Variants in GUCY1A1 observed in about 807,000 individuals in gnomAD.
GUCY1A1 encodes guanylate cyclase 1 soluble subunit alpha 1.
A neutral mutation model predicts 64.5 loss-of-function variants in GUCY1A1; 48 were observed. The ratio of observed to expected loss-of-function variants is 0.74; its 90% confidence interval spans 0.59 to 0.95. The LOEUF (loss-of-function observed/expected upper bound fraction) is 0.95. Among genes scored for constraint, GUCY1A1 ranks in the 40% least tolerant of loss-of-function variants. GUCY1A1 has a pLI of 0.00. For synonymous variants in GUCY1A1, 308 were observed against 303.4 expected (o/e 1.02, Z -0.16); for missense variants, 804 against 825.3 (o/e 0.97, Z 0.32).
At chr4:155,689,103 T>C (rs917559740) in intron 2 of GUCY1A1, among the ~76,000 whole-genome samples, 2 of 150,896 alleles carry the variant, frequency 1.3e-5, no homozygotes, top group Non-Finnish European at 2.9e-5. Flanking sequence ...TCCCTAGCGA[T>C]AGATGTGCCT....
In GUCY1A1 at chr4:155,731,838, G is replaced by C. The variant is rs1735581657; in HGVS notation, c.*1607G>C. ...TACTGATTGGCCTCTAGTATTCCAA[G>C]GGTACTACTATAGATATTACAATGA... On this transcript the variant is annotated 3_prime_UTR_variant, in exon 10 of 10. Transcript: ENST00000506455. The C allele has an allele frequency of 2.0e-5, 3 of 151,266 alleles. No individual in the cohort carries two copies. Among genetic ancestry groups the C allele is most frequent in the South Asian group, 4.2e-4 (2 of 4,816 alleles). 9.4% of individuals were successfully genotyped at this position (151,266 alleles called of 1,614,324 possible).
intron 2 of GUCY1A1, among the ~76,000 whole-genome samples, chr4:155,676,756 T>C (rs745654154): frequency 6.6e-6 from 1 of 151,670 alleles, no homozygotes; most frequent in Admixed American, 6.5e-5. Context: ...TAGTGTGTTA[T>C]GGTCATGTTG....
intron 3 of GUCY1A1, among the ~76,000 whole-genome samples, chr4:155,701,065 G>A (rs1731018655): frequency 6.6e-6 from 1 of 152,094 alleles, no homozygotes; most frequent in Non-Finnish European, 1.5e-5. Context: ...TTATCTCAGG[G>A]TCAGGATATA....
intron 8 of GUCY1A1, among the ~76,000 whole-genome samples, chr4:155,719,484 G>A (rs922696209): frequency 6.6e-6 from 1 of 152,118 alleles, no homozygotes; most frequent in East Asian, 1.9e-4. Flanking sequence ...TCAGTATTTG[G>A]AGTCATGTCC....
At chr4:155,671,855 G>C (rs1734186007) in intron 2 of GUCY1A1, among the ~76,000 whole-genome samples, 1 of 152,038 alleles carries the variant, frequency 6.6e-6, no homozygotes, top group South Asian at 2.1e-4. Flanking sequence ...CATGGGTTGA[G>C]AGTCTCATTG....
chr4:155,722,246 C>A, intron 9 of GUCY1A1, 54 bp downstream of exon 9: 1 of 1,566,986 alleles, frequency 6.4e-7, no homozygotes, highest in Non-Finnish European at 8.7e-7. Context: ...TATACAATTG[C>A]CATTTGCCCC....
intron 2 of GUCY1A1, among the ~76,000 whole-genome samples, chr4:155,681,580 C>T (rs1735780113): frequency 6.6e-6 from 1 of 152,166 alleles, no homozygotes; most frequent in South Asian, 2.1e-4. Context: ...CTCAGTCCTC[C>T]TTACCCTCTT....
At chr4:155,688,117 G>A (rs1049103270) in intron 2 of GUCY1A1, among the ~76,000 whole-genome samples, 1 of 151,726 alleles carries the variant, frequency 6.6e-6, no homozygotes, top group Admixed American at 6.6e-5. Context: ...AGTCCCAGCT[G>A]CTCGGGAGGC....
intron 2 of GUCY1A1, among the ~76,000 whole-genome samples, chr4:155,684,489 T>C (rs1728712317): frequency 6.6e-6 from 1 of 152,180 alleles, no homozygotes; most frequent in African/African-American, 2.4e-5. Flanking sequence ...CAGAAAGAGC[T>C]TTACTGCTGG....
At chr4:155,718,534 A>G (rs572583079) in intron 8 of GUCY1A1, among the ~76,000 whole-genome samples, 1 of 152,254 alleles carries the variant, frequency 6.6e-6, no homozygotes, top group South Asian at 2.1e-4. Flanking sequence ...AGCTGGGAAT[A>G]CCGAAATGGG....
At position 155,735,050 on chromosome 4, in the gene GUCY1A1, T is replaced by C. The variant is rs1238342501; in HGVS notation, c.*4819T>C. ...GCTCCTCTTTAAATGTTTCTTTTAT[T>C]ATATTGATGATGTGCACTCATTCAG... On this transcript the variant is annotated 3_prime_UTR_variant, in exon 10 of 10. Coordinates refer to ENST00000506455, the MANE Select transcript of GUCY1A1 (RefSeq NM_001130682.3). 6.6e-6 allele frequency: 1 copy of C among 151,968 alleles called. No individual in the cohort carries two copies. Among genetic ancestry groups the C allele is most frequent in the Non-Finnish European group, 1.5e-5 (1 of 67,932 alleles). 9.4% of individuals were successfully genotyped at this position (151,968 alleles called of 1,614,324 possible).
chr4:155,704,106 C>G (rs1017524789), intron 4 of GUCY1A1, 113 bp downstream of exon 4: 10 of 640,542 alleles, frequency 1.6e-5, no homozygotes, highest in Non-Finnish European at 2.8e-6. Context: ...TGTGGTATGT[C>G]AGAAACTGGA....
rs183071112 is a variant in GUCY1A1, at chr4:155,727,599, C to T, written c.1872-2431C>T. 2.7e-3 allele frequency among the ~76,000 whole-genome samples: 403 copies of T among 151,482 alleles called. 3 individuals are homozygous for T. The highest frequency in any genetic ancestry group is 9.1e-3 in the African/African-American group (376 of 41,388). Reference sequence around the variant, plus strand: ...AATAATAGATAAATTTTTTTAATCACCTATAGTTTTATACATTTTTATTTA... The same window carrying T: ...AATAATAGATAAATTTTTTTAATCATCTATAGTTTTATACATTTTTATTTA... On this transcript the variant is annotated intron_variant, in intron 9 of 9. Coordinates refer to ENST00000506455, the MANE Select transcript of GUCY1A1 (RefSeq NM_001130682.3).
At chr4:155,729,403 T>C (rs1735230635) in intron 9 of GUCY1A1, among the ~76,000 whole-genome samples, 1 of 151,812 alleles carries the variant, frequency 6.6e-6, no homozygotes, top group African/African-American at 2.4e-5. Context: ...AACAATATAA[T>C]GTGGTAAACA....
chr4:155,690,265 T>A (rs1729556608), intron 2 of GUCY1A1, among the ~76,000 whole-genome samples: 1 of 152,150 alleles, frequency 6.6e-6, no homozygotes, highest in South Asian at 2.1e-4. Flanking sequence ...GTCTTCCCTC[T>A]GCTTTGGTCC....
At chr4:155,716,412 T>C (rs904783457) in intron 7 of GUCY1A1, among the ~76,000 whole-genome samples, 1 of 152,192 alleles carries the variant, frequency 6.6e-6, no homozygotes. Flanking sequence ...TAAAATTAAC[T>C]ATCTGCTTTT....
chr4:155,724,800 G>A (rs1221667159), intron 9 of GUCY1A1, among the ~76,000 whole-genome samples: 2 of 151,932 alleles, frequency 1.3e-5, no homozygotes. Flanking sequence ...GTGATTCTCT[G>A]CAGAGCTACA....
At chr4:155,715,516 C>T (rs1461910529) in intron 7 of GUCY1A1, among the ~76,000 whole-genome samples, 1 of 152,136 alleles carries the variant, frequency 6.6e-6, no homozygotes, top group Non-Finnish European at 1.5e-5. Flanking sequence ...GAGGAAAGTT[C>T]ACATATGGAG....
intron 2 of GUCY1A1, among the ~76,000 whole-genome samples, chr4:155,669,322 T>C (rs1400223938): frequency 6.6e-6 from 1 of 152,046 alleles, no homozygotes. Flanking sequence ...TATTTTTGTC[T>C]TTGAAATCCA....
Sources: gnomAD v4.1 joint callset for allele counts (sites outside exome capture counted in the v4.1 genomes callset) on GRCh38, gnomAD v4.1.1 for gene constraint, MANE v1.5 for transcripts, NCBI Gene and HGNC (gene_info 2026-07-23, HGNC 2026-07-21) for gene names.